LRRTM4: variants seen among roughly 807,000 people sequenced by gnomAD.
The protein encoded by LRRTM4 is leucine-rich repeat transmembrane neuronal protein 4.
Under a neutral mutation model 47.6 loss-of-function variants are expected in LRRTM4, and 25 were observed. The observed-to-expected ratio is 0.53, with a 90% CI of 0.38 to 0.73. The LOEUF is 0.73. Among genes scored for constraint, LRRTM4 ranks in the 30% least tolerant of loss-of-function variants. The pLI, the probability that LRRTM4 is intolerant of heterozygous loss-of-function variation, is 0.00. For missense variants in LRRTM4, 638 were observed against 713.4 expected (o/e 0.89, Z 1.20); for synonymous variants, 311 against 269.5 (o/e 1.15, Z -1.51).
chr2:77,500,435 A>C (rs555826566), intron 3 of LRRTM4, among the ~76,000 whole-genome samples: 1 of 144,076 alleles, frequency 6.9e-6, no homozygotes, highest in Admixed American at 7.0e-5. Flanking sequence ...TTAAACATAC[A>C]ACCATACAAA....
At chr2:76,878,733 G>T (rs929533121) in intron 3 of LRRTM4, among the ~76,000 whole-genome samples, 1 of 152,062 alleles carries the variant, frequency 6.6e-6, no homozygotes. Context: ...ATTTAACCAG[G>T]CATGGTGGTG....
At chr2:77,516,836 A>T in intron 3 of LRRTM4, 2 of 984,730 alleles carry the variant, frequency 2.0e-6, no homozygotes, top group South Asian at 9.4e-5. Flanking sequence ...TGAGTTAGAG[A>T]TTATTTCAAA....
intron 3 of LRRTM4, among the ~76,000 whole-genome samples, chr2:77,393,225 T>C (rs1485657736): frequency 6.6e-6 from 1 of 151,842 alleles, no homozygotes; most frequent in East Asian, 1.9e-4. Context: ...GAAAAACAAA[T>C]TAGAAAAACA....
chr2:77,420,833 T>G (rs1053370559), intron 3 of LRRTM4, among the ~76,000 whole-genome samples: 2 of 146,442 alleles, frequency 1.4e-5, no homozygotes, highest in African/African-American at 5.0e-5. Flanking sequence ...CCTTAAGACT[T>G]AAGTCTTAAG....
intron 3 of LRRTM4, among the ~76,000 whole-genome samples, chr2:77,217,204 T>G (rs1674472645): frequency 6.6e-6 from 1 of 151,538 alleles, no homozygotes; most frequent in Admixed American, 6.6e-5. Flanking sequence ...GTACAACTAT[T>G]GTTGACAACC....
At chr2:77,030,952 T>C (rs1000777745) in intron 3 of LRRTM4, among the ~76,000 whole-genome samples, 2 of 152,216 alleles carry the variant, frequency 1.3e-5, no homozygotes, top group Non-Finnish European at 2.9e-5. Context: ...TAATTTGCAA[T>C]GTGTCAATGG....
In LRRTM4 at chr2:77,207,351, A is replaced by G. The variant is rs148348392; in HGVS notation, c.1551+310967T>C. Among the ~76,000 whole-genome samples the G allele has an allele frequency of 8.4e-3, 1,063 of 126,038 alleles. 19 individuals carry two copies. The highest frequency in any genetic ancestry group is 0.034 in the African/African-American group (975 of 28,520). 82.7% of individuals were successfully genotyped at this position (126,038 alleles called of 152,430 possible). A position where few individuals can be genotyped will look rare whatever the true frequency, so the allele number is the denominator to read the frequency against. On this transcript the variant is annotated intron_variant, in intron 3 of 3. Transcript: ENST00000409884. The stretch of plus-strand genomic sequence containing the variant: ...GTTTTTCCTAATTTCATATATGTGT[A>G]TATATATATATATATATATATACAC...
At chr2:77,501,323 A>C (rs1292519244) in intron 3 of LRRTM4, among the ~76,000 whole-genome samples, 1 of 150,810 alleles carries the variant, frequency 6.6e-6, no homozygotes, top group East Asian at 1.9e-4. Context: ...TGTATATATG[A>C]AAACATATAT....
chr2:77,388,269 A>G (rs2103808360), intron 3 of LRRTM4, among the ~76,000 whole-genome samples: 1 of 152,292 alleles, frequency 6.6e-6, no homozygotes, highest in African/African-American at 2.4e-5. Flanking sequence ...TTAGATATAA[A>G]TATCATCTAG....
At chr2:77,206,230 A>T (rs1366926774) in intron 3 of LRRTM4, among the ~76,000 whole-genome samples, 1 of 149,864 alleles carries the variant, frequency 6.7e-6, no homozygotes, top group African/African-American at 2.5e-5. Flanking sequence ...CCAGGCTGGA[A>T]TGAGGTGGTG....
intron 3 of LRRTM4, among the ~76,000 whole-genome samples, chr2:77,062,259 A>C (rs1222966754): frequency 6.6e-6 from 1 of 152,204 alleles, no homozygotes; most frequent in African/African-American, 2.4e-5. Context: ...CCAAAATGGA[A>C]ACATCATTAT....
At chr2:76,913,912 TC>T (rs1179581687) in intron 3 of LRRTM4, among the ~76,000 whole-genome samples, 1 of 152,050 alleles carries the variant, frequency 6.6e-6, no homozygotes, top group Non-Finnish European at 1.5e-5. Flanking sequence ...ATAGGAAACT[TC>T]CCTTTTTTAG....
chr2:77,520,760 CA>C (rs577922549), intron 2 of LRRTM4, among the ~76,000 whole-genome samples: 1 of 152,204 alleles, frequency 6.6e-6, no homozygotes, highest in East Asian at 1.9e-4. Context: ...TCACATTTCT[CA>C]CTGACTTTTT....
chr2:77,455,613 C>T (rs1477774078), intron 3 of LRRTM4, among the ~76,000 whole-genome samples: 3 of 152,052 alleles, frequency 2.0e-5, no homozygotes, highest in Admixed American at 6.6e-5. Context: ...TCTCCCTCCT[C>T]CTGCACCTCT....
At chr2:77,030,932 C>T (rs1167609922) in intron 3 of LRRTM4, among the ~76,000 whole-genome samples, 1 of 152,192 alleles carries the variant, frequency 6.6e-6, no homozygotes, top group Non-Finnish European at 1.5e-5. Context: ...TTACTTGCAA[C>T]TGTCTCTCTT....
chr2:77,282,901 A>T (rs528692038), intron 3 of LRRTM4, among the ~76,000 whole-genome samples: 2 of 152,122 alleles, frequency 1.3e-5, no homozygotes, highest in South Asian at 4.1e-4. Flanking sequence ...CTAGAAGTAA[A>T]CTTAAGTAAC....
intron 3 of LRRTM4, among the ~76,000 whole-genome samples, chr2:77,085,096 A>T (rs1680665796): frequency 6.6e-6 from 1 of 152,158 alleles, no homozygotes; most frequent in Non-Finnish European, 1.5e-5. Flanking sequence ...CTATTGCTGG[A>T]AAAGAAATAT....
intron 3 of LRRTM4, among the ~76,000 whole-genome samples, chr2:76,965,501 A>G (rs1246610008): frequency 6.6e-6 from 1 of 151,356 alleles, no homozygotes; most frequent in Non-Finnish European, 1.5e-5. Context: ...TTTAATTTCT[A>G]AACATTTAAC....
intron 3 of LRRTM4, among the ~76,000 whole-genome samples, chr2:76,868,861 T>G (rs1343321321): frequency 6.6e-6 from 1 of 152,116 alleles, no homozygotes; most frequent in Non-Finnish European, 1.5e-5. Flanking sequence ...CCTTTGTCCC[T>G]TCCTCTTTTC....
Sources: gnomAD v4.1 joint callset for allele counts (sites outside exome capture counted in the v4.1 genomes callset) on GRCh38, gnomAD v4.1.1 for gene constraint, MANE v1.5 for transcripts, NCBI Gene and HGNC (gene_info 2026-07-23, HGNC 2026-07-21) for gene names.